RBFOX1: variants seen among roughly 807,000 people sequenced by gnomAD.
RBFOX1 encodes RNA binding fox-1 homolog 1.
A neutral mutation model predicts 57.7 loss-of-function variants in RBFOX1; 8 were observed. That is an observed-to-expected ratio of 0.14 (90% CI 0.08 to 0.25). The LOEUF (loss-of-function observed/expected upper bound fraction) is 0.25, where lower values mean the gene tolerates loss of function less well. Among genes scored for constraint, RBFOX1 ranks in the 10% least tolerant of loss-of-function variants. The probability of loss-of-function intolerance (pLI) is 1.00; values close to 1 mark genes in which losing one functional copy is unlikely to be tolerated. For missense variants in RBFOX1, 611 were observed against 548.5 expected (o/e 1.11, Z -1.14); for synonymous variants, 326 against 222.4 (o/e 1.47, Z -4.15).
At chr16:5,948,544 C>T (rs1375902842) in intron 4 of RBFOX1, among the ~76,000 whole-genome samples, 1 of 152,148 alleles carries the variant, frequency 6.6e-6, no homozygotes, top group Non-Finnish European at 1.5e-5. Context: ...GTGGCTAATT[C>T]ATTGACTGGT....
At chr16:6,536,122 C>A (rs2096731878) in intron 2 of RBFOX1, among the ~76,000 whole-genome samples, 1 of 152,064 alleles carries the variant, frequency 6.6e-6, no homozygotes. Context: ...GTATTGATAC[C>A]CAGGTGATTT....
chr16:7,404,761 G>C (rs1432316578), intron 4 of RBFOX1, among the ~76,000 whole-genome samples: 1 of 152,144 alleles, frequency 6.6e-6, no homozygotes, highest in African/African-American at 2.4e-5. Context: ...CTGATTCCTT[G>C]TTGTCACGTC....
intron 1 of RBFOX1, among the ~76,000 whole-genome samples, chr16:6,142,291 G>T (rs2096723821): frequency 7.2e-6 from 1 of 139,828 alleles, no homozygotes; most frequent in African/African-American, 2.7e-5. Flanking sequence ...GCGTGATCTT[G>T]GCTCACTGCA....
chr16:7,549,656 G>A (rs554152596), intron 5 of RBFOX1, among the ~76,000 whole-genome samples: 1 of 152,296 alleles, frequency 6.6e-6, no homozygotes, highest in Non-Finnish European at 1.5e-5. Flanking sequence ...TTCAAGGGCA[G>A]GAAGCATGCA....
intron 3 of RBFOX1, among the ~76,000 whole-genome samples, chr16:6,782,044 G>A (rs539761502): frequency 4.3e-4 from 66 of 151,978 alleles, no homozygotes; most frequent in Non-Finnish European, 5.6e-4. Flanking sequence ...GCCTTGCTCT[G>A]TCACTGGGCT....
At chr16:6,042,434 A>G (rs900564375) in intron 1 of RBFOX1, among the ~76,000 whole-genome samples, 4 of 152,148 alleles carry the variant, frequency 2.6e-5, no homozygotes, top group Non-Finnish European at 4.4e-5. Context: ...CCGTGATTAT[A>G]CTGGACCTAT....
intron 1 of RBFOX1, among the ~76,000 whole-genome samples, chr16:6,033,351 T>C (rs1314195997): frequency 6.6e-6 from 1 of 151,964 alleles, no homozygotes; most frequent in Non-Finnish European, 1.5e-5. Context: ...AATGGTACAA[T>C]ATTCAAAAAT....
In RBFOX1 at chr16:7,069,353, T is replaced by A. The variant is rs114639718; in HGVS notation, c.27+17255T>A. On this transcript the variant is annotated intron_variant, in intron 4 of 15. Transcript: ENST00000550418. ...GTTTTCCCTAATGCTCTCCCTCCCATCAGTCTCCCCAAAGAGGCCCGGTGT... is the reference window on the plus strand; with the variant it reads ...GTTTTCCCTAATGCTCTCCCTCCCAACAGTCTCCCCAAAGAGGCCCGGTGT... Among the ~76,000 whole-genome samples the A allele has an allele frequency of 2.5e-3, 377 of 152,258 alleles. 1 individual carries two copies. Among genetic ancestry groups the A allele is most frequent in the Non-Finnish European group, 4.0e-3 (275 of 68,018 alleles).
chr16:6,098,904 T>G (rs2096274825), intron 1 of RBFOX1, among the ~76,000 whole-genome samples: 1 of 152,116 alleles, frequency 6.6e-6, no homozygotes, highest in Non-Finnish European at 1.5e-5. Context: ...TGGCTTGGGT[T>G]GAGGGATGTG....
chr16:5,908,268 A>T (rs1407341877), intron 4 of RBFOX1, among the ~76,000 whole-genome samples: 1 of 148,872 alleles, frequency 6.7e-6, no homozygotes, highest in Non-Finnish European at 1.5e-5. Flanking sequence ...ATATACACAT[A>T]TATATACATA....
chr16:6,129,758 A>AC (rs397855635), intron 1 of RBFOX1, among the ~76,000 whole-genome samples: 2 of 151,684 alleles, frequency 1.3e-5, no homozygotes, highest in African/African-American at 4.8e-5. Flanking sequence ...AAAAAAAAAA[A>AC]CCATAGATAA....
chr16:6,597,598 G>A (rs1037596798), intron 2 of RBFOX1, among the ~76,000 whole-genome samples: 3 of 152,154 alleles, frequency 2.0e-5, no homozygotes, highest in Non-Finnish European at 4.4e-5. Flanking sequence ...GCGTGAACCC[G>A]GGAGGTGGAA....
At chr16:6,254,744 C>A (rs570538120) in intron 1 of RBFOX1, among the ~76,000 whole-genome samples, 1 of 152,172 alleles carries the variant, frequency 6.6e-6, no homozygotes, top group East Asian at 1.9e-4. Context: ...TTAAAATTAA[C>A]ATAAATTAAA....
chr16:6,056,425 C>T (rs559364046), intron 1 of RBFOX1, among the ~76,000 whole-genome samples: 1 of 152,288 alleles, frequency 6.6e-6, no homozygotes, highest in African/African-American at 2.4e-5. Flanking sequence ...TCCCTTTCTT[C>T]CCCTACCCCT....
intron 3 of RBFOX1, among the ~76,000 whole-genome samples, chr16:5,663,658 C>T (rs1442989907): frequency 1.3e-5 from 2 of 152,216 alleles, no homozygotes; most frequent in Admixed American, 6.5e-5. Context: ...AAAGCCCCTA[C>T]TTGGTGTAAG....
chr16:5,823,287 G>A (rs979330509), intron 3 of RBFOX1, among the ~76,000 whole-genome samples: 4 of 152,138 alleles, frequency 2.6e-5, no homozygotes, highest in African/African-American at 9.7e-5. Flanking sequence ...AGTGAGATTA[G>A]AGGTTGAGTA....
chr16:5,767,283 G>A (rs117570926), intron 3 of RBFOX1, among the ~76,000 whole-genome samples: 1,873 of 152,264 alleles, frequency 0.012, 17 homozygotes, highest in Non-Finnish European at 0.02. Context: ...GAGATGAGGC[G>A]GAGAGCTGCT....
chr16:7,326,280 C>G (rs934265907), intron 4 of RBFOX1, among the ~76,000 whole-genome samples: 8 of 152,212 alleles, frequency 5.3e-5, no homozygotes, highest in African/African-American at 1.7e-4. Flanking sequence ...GGGCAAATCA[C>G]TGCTGATGTT....
intron 4 of RBFOX1, among the ~76,000 whole-genome samples, chr16:7,071,997 A>G (rs1429276096): frequency 2.0e-5 from 3 of 152,122 alleles, no homozygotes; most frequent in African/African-American, 7.2e-5. Context: ...ATTCCTCTCA[A>G]AATTCACTCT....
Sources: gnomAD v4.1 joint callset for allele counts (sites outside exome capture counted in the v4.1 genomes callset) on GRCh38, gnomAD v4.1.1 for gene constraint, MANE v1.5 for transcripts, NCBI Gene and HGNC (gene_info 2026-07-23, HGNC 2026-07-21) for gene names.